Variants in MED27 observed in about 807,000 individuals in gnomAD.
MED27 encodes the protein mediator of RNA polymerase II transcription subunit 27.
MED27 carries 30 observed loss-of-function variants against 38.2 expected under a neutral mutation model. That is an observed-to-expected ratio of 0.79 (90% CI 0.59 to 1.07). The LOEUF is 1.07. Ranked by LOEUF, MED27 falls within the 50% of genes least tolerant of loss-of-function variation. The pLI is 0.00. For synonymous variants in MED27, 122 were observed against 153.5 expected (o/e 0.79, Z 1.52); for missense variants, 289 against 397.5 (o/e 0.73, Z 2.32).
At chr9:132,067,378 T>C (rs1484451400) in intron 2 of MED27, among the ~76,000 whole-genome samples, 3 of 152,190 alleles carry the variant, frequency 2.0e-5, no homozygotes, top group Non-Finnish European at 4.4e-5. Flanking sequence ...TTTGGATGCA[T>C]CTCAAAGCCT....
chr9:131,984,139 C>A (rs1025498732), intron 3 of MED27, among the ~76,000 whole-genome samples: 1 of 152,174 alleles, frequency 6.6e-6, no homozygotes, highest in Non-Finnish European at 1.5e-5. Flanking sequence ...GCTCAGATGT[C>A]ACCATTTCAA....
chr9:131,958,555 G>A (rs1185694297), intron 3 of MED27, among the ~76,000 whole-genome samples: 1 of 152,110 alleles, frequency 6.6e-6, no homozygotes, highest in East Asian at 1.9e-4. Context: ...CAAATTAAGT[G>A]GTTTTTAATA....
intron 4 of MED27, among the ~76,000 whole-genome samples, chr9:131,927,522 G>A (rs1830503807): frequency 6.6e-6 from 1 of 152,156 alleles, no homozygotes; most frequent in Non-Finnish European, 1.5e-5. Context: ...AATGCTGAGT[G>A]CCCATTTGTC....
Position 131,889,953 on chromosome 9 carries a change from G to A in MED27, c.681+3932C>T, listed in dbSNP as rs901068766. On this transcript the variant is annotated intron_variant, in intron 5 of 7. Coordinates refer to ENST00000292035, the MANE Select transcript of MED27 (RefSeq NM_004269.4). This position sits in a 1 kb window ranked among gnomAD's most constrained non-coding sequence, Gnocchi z 4.2. ...CAGGCTGCGTCCCGGGAGCAGCGAC[G>A]TCTCCAGCAACAACGTGCTCTTGTA... Among the ~76,000 whole-genome samples, 5 of 152,288 alleles carry A rather than the reference G, an allele frequency of 3.3e-5. No individual in the cohort carries two copies. The highest frequency in any genetic ancestry group is 4.1e-4 in the South Asian group (2 of 4,826).
intron 3 of MED27, among the ~76,000 whole-genome samples, chr9:131,970,457 C>G (rs1001054423): frequency 6.6e-6 from 1 of 152,222 alleles, no homozygotes; most frequent in Non-Finnish European, 1.5e-5. Context: ...ACGGGGCCAA[C>G]ACAGAAACAC....
At chr9:132,068,909 A>T (rs1384704119) in intron 2 of MED27, among the ~76,000 whole-genome samples, 1 of 152,200 alleles carries the variant, frequency 6.6e-6, no homozygotes, top group Non-Finnish European at 1.5e-5. Flanking sequence ...GGAGAGAAGC[A>T]CTAATAACCC....
At chr9:132,037,855 C>G (rs1589280948) in intron 2 of MED27, among the ~76,000 whole-genome samples, 1 of 152,172 alleles carries the variant, frequency 6.6e-6, no homozygotes, top group Non-Finnish European at 1.5e-5. Context: ...CGACCCCAGA[C>G]AGGAGCTGCA....
intron 6 of MED27, among the ~76,000 whole-genome samples, chr9:131,876,283 G>C (rs913262823): frequency 3.3e-5 from 5 of 152,192 alleles, no homozygotes; most frequent in African/African-American, 1.2e-4. Context: ...ACTACTCTGT[G>C]ACTCCTCTAA....
In MED27 at chr9:131,888,942, C is replaced by T. The variant is rs188855714; in HGVS notation, c.682-4843G>A. ...TTTGTTACTAAAAAACTGCTGAAAGCACAATTTCAGGGAATCCTCTGCATA... is the reference window on the plus strand; with the variant it reads ...TTTGTTACTAAAAAACTGCTGAAAGTACAATTTCAGGGAATCCTCTGCATA... On this transcript the variant is annotated intron_variant, in intron 5 of 7. Coordinates refer to ENST00000292035, the MANE Select transcript of MED27 (RefSeq NM_004269.4). Among the ~76,000 whole-genome samples the T allele has an allele frequency of 2.8e-3, 430 of 152,320 alleles. 3 individuals are homozygous for T. Among genetic ancestry groups the T allele is most frequent in the African/African-American group, 9.9e-3 (410 of 41,566 alleles).
rs537113752 is a variant in MED27, at chr9:131,921,031, T to C, written c.573+18350A>G. ...GAGGCTTGGAGAGGGATGGCGGCAT[T>C]GCGGAGAGTAGAAGCAACAGTCAGA... On this transcript the variant is annotated intron_variant, in intron 4 of 7. Transcript: ENST00000292035. Among the ~76,000 whole-genome samples the C allele has an allele frequency of 5.9e-5, 9 of 152,270 alleles. No individual in the cohort carries two copies. The East Asian group carries it at 1.5e-3, about 26-fold the overall frequency.
At chr9:131,881,317 G>C (rs1012079317) in intron 6 of MED27, among the ~76,000 whole-genome samples, 2 of 152,146 alleles carry the variant, frequency 1.3e-5, no homozygotes, top group African/African-American at 4.8e-5. Flanking sequence ...TGGTGACTTA[G>C]GTAAGAACAC....
rs146107875 is a variant in MED27 at position 132,056,005 on chromosome 9, T to C, written c.348+21437A>G. On this transcript the variant is annotated intron_variant, in intron 2 of 7. Coordinates refer to ENST00000292035, the MANE Select transcript of MED27 (RefSeq NM_004269.4). The stretch of plus-strand genomic sequence containing the variant: ...GCCCCCAGGACAGCCAGGAAGGCAG[T>C]GGTAAAAGCAGGGTCTGAACCTGGC... Among the ~76,000 whole-genome samples, 221 of 152,288 alleles carry C rather than the reference T, an allele frequency of 1.5e-3. 1 individual carries two copies. Among genetic ancestry groups the C allele is most frequent in the African/African-American group, 5.1e-3 (214 of 41,566 alleles).
chr9:132,058,860 C>T (rs535688370), intron 2 of MED27, among the ~76,000 whole-genome samples: 16 of 152,326 alleles, frequency 1.1e-4, no homozygotes, highest in African/African-American at 1.7e-4. Context: ...ATGCATTTTA[C>T]GGTCACAGTG....
intron 3 of MED27, among the ~76,000 whole-genome samples, chr9:131,950,430 G>C (rs561844099): frequency 3.0e-4 from 46 of 152,270 alleles, no homozygotes; most frequent in African/African-American, 9.4e-4. Flanking sequence ...GAGGACTGTC[G>C]CTGTGGCACC....
intron 2 of MED27, among the ~76,000 whole-genome samples, chr9:132,016,547 T>C (rs1345248985): frequency 6.6e-6 from 1 of 152,190 alleles, no homozygotes; most frequent in Non-Finnish European, 1.5e-5. Flanking sequence ...AGTACAAGTT[T>C]GAAAGACAAT....
Position 131,914,684 on chromosome 9 carries a change from G to A in MED27, c.574-20692C>T, listed in dbSNP as rs116849831. Among the ~76,000 whole-genome samples, 1,264 of 152,296 alleles carry A rather than the reference G, an allele frequency of 8.3e-3. 10 individuals carry two copies. The highest frequency in any genetic ancestry group is 0.016 in the South Asian group (76 of 4,826). On this transcript the variant is annotated intron_variant, in intron 4 of 7. Transcript: ENST00000292035. ...GTAAGGATGTCTCTTGGTGCAATGG[G>A]AAGCCCGTGGATTCTCCTGAGCAGA...
intron 2 of MED27, among the ~76,000 whole-genome samples, chr9:132,016,091 G>A (rs1832596421): frequency 6.6e-6 from 1 of 152,144 alleles, no homozygotes; most frequent in Non-Finnish European, 1.5e-5. Context: ...AATGAAACTG[G>A]CGACCACCAT....
intron 4 of MED27, among the ~76,000 whole-genome samples, chr9:131,908,055 C>T (rs1301975002): frequency 1.2e-4 from 18 of 150,958 alleles, no homozygotes; most frequent in East Asian, 2.0e-4. Flanking sequence ...GGAGTCTCTC[C>T]GCCCGGCAGC....
In MED27 at chr9:131,917,582, G is replaced by A. The variant is rs1335137944; in HGVS notation, c.573+21799C>T. On this transcript the variant is annotated intron_variant, in intron 4 of 7. Coordinates refer to ENST00000292035, the MANE Select transcript of MED27 (RefSeq NM_004269.4). This position sits in a 1 kb window ranked among gnomAD's most constrained non-coding sequence, Gnocchi z 4.6. ...GGGTGGGGGGCTAGTGTGCAGGGACGAGGTAGGCTGATAGCACATCAGGAA... is the reference window on the plus strand; with the variant it reads ...GGGTGGGGGGCTAGTGTGCAGGGACAAGGTAGGCTGATAGCACATCAGGAA... 2.6e-5 allele frequency among the ~76,000 whole-genome samples: 4 copies of A among 152,152 alleles called. No individual in the cohort carries two copies. The highest frequency in any genetic ancestry group is 4.4e-5 in the Non-Finnish European group (3 of 68,026).
Sources: allele counts gnomAD v4.1 joint callset (sites outside exome capture counted in the v4.1 genomes callset), GRCh38; gene constraint gnomAD v4.1.1; non-coding constraint Gnocchi (gnomAD v3.1); transcripts MANE v1.5; gene names NCBI Gene and HGNC (gene_info 2026-07-23, HGNC 2026-07-21).